The following PLS1 variants were observed in gnomAD, a reference collection of about 807,000 sequenced individuals.
PLS1 encodes plastin 1.
PLS1 carries 32 observed loss-of-function variants against 73.7 expected under a neutral mutation model. That is an observed-to-expected ratio of 0.43 (90% confidence interval 0.33 to 0.58). The LOEUF (loss-of-function observed/expected upper bound fraction) is 0.58. Among genes scored for constraint, PLS1 ranks in the 20% least tolerant of loss-of-function variants. The pLI, the probability that PLS1 is intolerant of heterozygous loss-of-function variation, is 0.04. For synonymous variants in PLS1, 217 were observed against 261.3 expected, an observed-to-expected ratio of 0.83 and a Z score of 1.63; for missense variants, 633 against 740.5, an observed-to-expected ratio of 0.85 and a Z score of 1.68.
intron 1 of PLS1, among the ~76,000 whole-genome samples, chr3:142,612,154 G>A (rs1454400203): frequency 6.6e-6 from 1 of 152,158 alleles, no homozygotes; most frequent in African/African-American, 2.4e-5. Context: ...GAGGAATTTA[G>A]CAAATAAGTG....
At chr3:142,700,155 A>G (rs958025878) in intron 12 of PLS1, among the ~76,000 whole-genome samples, 4 of 152,148 alleles carry the variant, frequency 2.6e-5, no homozygotes, top group African/African-American at 9.7e-5. Context: ...TAAATTCAAG[A>G]TGTTTAAAAA....
chr3:142,631,664 GAAAAAA>G (rs71153981), intron 1 of PLS1, among the ~76,000 whole-genome samples: 2 of 39,450 alleles, frequency 5.1e-5, no homozygotes, highest in African/African-American at 1.0e-4. Flanking sequence ...CCTGTCTCTA[GAAAAAA>G]AAAAAAAAAA....
chr3:142,628,433 G>A (rs769828886), intron 1 of PLS1, among the ~76,000 whole-genome samples: 1 of 151,352 alleles, frequency 6.6e-6, no homozygotes, highest in African/African-American at 2.4e-5. Flanking sequence ...ATAAATTTAT[G>A]TAGTGTAATA....
chr3:142,700,126 T>A (rs1028321831), intron 12 of PLS1, among the ~76,000 whole-genome samples: 2 of 152,062 alleles, frequency 1.3e-5, no homozygotes, highest in African/African-American at 4.8e-5. Flanking sequence ...AAATACAGAA[T>A]GAAACATAAA....
chr3:142,690,158 A>T (rs1288855115), intron 10 of PLS1, among the ~76,000 whole-genome samples: 2 of 152,172 alleles, frequency 1.3e-5, no homozygotes, highest in African/African-American at 2.4e-5. Flanking sequence ...TGAAAGGTCC[A>T]GTTTGACTCT....
intron 11 of PLS1, 38 bp from the exon 12 acceptor site, chr3:142,697,915 T>C (rs1226746909): frequency 8.3e-7 from 1 of 1,211,284 alleles, no homozygotes; most frequent in Non-Finnish European, 1.2e-6. Flanking sequence ...ATACCCAACA[T>C]TTCCTCCTCC....
intron 9 of PLS1, among the ~76,000 whole-genome samples, chr3:142,687,570 A>G (rs1489211661): frequency 6.6e-6 from 1 of 152,126 alleles, no homozygotes; most frequent in South Asian, 2.1e-4. Context: ...AAACTTATGG[A>G]AAATTTTGAA....
At chr3:142,637,296 T>C (rs974584738) in intron 1 of PLS1, among the ~76,000 whole-genome samples, 3 of 152,210 alleles carry the variant, frequency 2.0e-5, no homozygotes, top group Non-Finnish European at 4.4e-5. Flanking sequence ...TATGTACACA[T>C]GATTCTGTTT....
At chr3:142,613,770 A>G (rs1296392314) in intron 1 of PLS1, among the ~76,000 whole-genome samples, 1 of 152,186 alleles carries the variant, frequency 6.6e-6, no homozygotes, top group East Asian at 1.9e-4. Flanking sequence ...AAGACAAGAA[A>G]AGATCTTTGT....
At chr3:142,610,356 G>A (rs1176973652) in intron 1 of PLS1, among the ~76,000 whole-genome samples, 7 of 152,076 alleles carry the variant, frequency 4.6e-5, no homozygotes, top group Non-Finnish European at 1.0e-4. Context: ...ATAATGCTCC[G>A]TAGGTTGAAT....
chr3:142,635,631 T>C lies in PLS1; in HGVS notation c.-36-28571T>C, dbSNP rs536089917. Among the ~76,000 whole-genome samples the C allele has an allele frequency of 1.7e-3, 258 of 152,118 alleles. 1 individual carries two copies. Among genetic ancestry groups the C allele is most frequent in the Non-Finnish European group, 2.9e-3 (199 of 67,980 alleles). On this transcript the variant is annotated intron_variant, in intron 1 of 15. Coordinates refer to ENST00000457734, the MANE Select transcript of PLS1 (RefSeq NM_001145319.2). Reference sequence around the variant, plus strand: ...CAAAAAAAATGTTTGAATAGAGATATAACATGGTGATGAACTCTCAGTATT... The same window carrying C: ...CAAAAAAAATGTTTGAATAGAGATACAACATGGTGATGAACTCTCAGTATT...
intron 1 of PLS1, among the ~76,000 whole-genome samples, chr3:142,609,244 CAAAT>C (rs1416493861): frequency 6.6e-6 from 1 of 152,190 alleles, no homozygotes; most frequent in Non-Finnish European, 1.5e-5. Context: ...GCTGCAGTAA[CAAAT>C]TAACTGTGAC....
At chr3:142,706,416 G>A (rs1034884302) in intron 14 of PLS1, among the ~76,000 whole-genome samples, 2 of 152,084 alleles carry the variant, frequency 1.3e-5, no homozygotes, top group African/African-American at 4.8e-5. Flanking sequence ...AGAGAAAGGG[G>A]GATAACAAAC....
intron 1 of PLS1, among the ~76,000 whole-genome samples, chr3:142,599,750 TTTTA>T (rs146404693): frequency 0.19 from 29,431 of 151,488 alleles, 3,256 homozygotes; most frequent in African/African-American, 0.31. Context: ...CCACGATTAT[TTTTA>T]TTTATTTATT....
chr3:142,669,523 T>C lies in PLS1; in HGVS notation c.204T>C (p.Asp68=). ...KILSVADSNK[D]GKISFEEFVS... ...TATCAGTTGCTGACAGCAACAAAGA[T>C]GGCAAAATCAGTTTTGAAGAGTTTG... Residue 68 remains aspartate (D), a synonymous_variant, in exon 3 of 16, where the codon GAT becomes GAC. Coordinates refer to ENST00000457734, the MANE Select transcript of PLS1 (RefSeq NM_001145319.2). 1 of 1,613,338 alleles carries C rather than the reference T, an allele frequency of 6.2e-7. No individual in the cohort carries two copies. Among genetic ancestry groups the C allele is most frequent in the Non-Finnish European group, 8.5e-7 (1 of 1,179,566 alleles).
intron 1 of PLS1, among the ~76,000 whole-genome samples, chr3:142,650,172 A>G (rs1481047690): frequency 7.3e-6 from 1 of 137,920 alleles, no homozygotes; most frequent in African/African-American, 2.7e-5. Context: ...TCTTGTCTTT[A>G]CTGTTTGTTT....
intron 1 of PLS1, among the ~76,000 whole-genome samples, chr3:142,606,685 G>A (rs143060342): frequency 9.3e-4 from 141 of 152,202 alleles, no homozygotes; most frequent in African/African-American, 2.9e-3. Flanking sequence ...TCAAATAAAT[G>A]GAATCGTATA....
intron 1 of PLS1, among the ~76,000 whole-genome samples, chr3:142,650,667 G>A (rs530158841): frequency 7.4e-4 from 112 of 152,248 alleles, no homozygotes; most frequent in Middle Eastern, 6.8e-3. Context: ...ATTACAGGGG[G>A]AACATCAGAA....
Position 142,671,196 on chromosome 3 carries a change from G to C in PLS1, c.364+74G>C, listed in dbSNP as rs975166270. On this transcript the variant is annotated intron_variant, in intron 4 of 15. Transcript: ENST00000457734. ...AAGTGACATATTTAATCAGTTCTAA[G>C]ATGCCACTCATTGTGATTCATACCG... is the stretch of plus-strand genomic sequence containing the variant. 3 of 1,285,082 alleles carry C rather than the reference G, an allele frequency of 2.3e-6. No homozygotes were observed. In the African/African-American group the frequency reaches 4.4e-5, roughly 19 times the overall value. The allele number at this position is 1,285,082 out of a possible 1,614,324, so 79.6% of individuals were successfully genotyped here.
Sources: gnomAD v4.1 joint callset for allele counts (sites outside exome capture counted in the v4.1 genomes callset) on GRCh38, gnomAD v4.1.1 for gene constraint, MANE v1.5 for transcripts, NCBI Gene and HGNC (gene_info 2026-07-23, HGNC 2026-07-21) for gene names.